The following CAMK2B variants were observed in gnomAD, a reference collection of about 807,000 sequenced individuals.
The protein encoded by CAMK2B is calcium/calmodulin dependent protein kinase II beta.
CAMK2B carries 27 observed loss-of-function variants against 93.7 expected under a neutral mutation model. That is an observed-to-expected ratio of 0.29 (90% CI 0.21 to 0.40). The LOEUF is 0.40. CAMK2B is among the 10% of genes least tolerant of loss of function. The pLI is 1.00. For synonymous variants in CAMK2B, 374 were observed against 358.8 expected (o/e 1.04, Z -0.48); for missense variants, 568 against 895.8 (o/e 0.63, Z 4.67).
chr7:44,256,477 A>C (rs1297926592), intron 4 of CAMK2B, among the ~76,000 whole-genome samples: 6 of 152,192 alleles, frequency 3.9e-5, no homozygotes, highest in Non-Finnish European at 4.4e-5. Context: ...GCCCTTGTGC[A>C]CTTGTAGAGC....
chr7:44,247,900 C>T (rs1461576702), intron 5 of CAMK2B, among the ~76,000 whole-genome samples: 4 of 152,014 alleles, frequency 2.6e-5, no homozygotes, highest in South Asian at 2.1e-4. Context: ...TGGTGGTGGG[C>T]GGCTGTAATC....
chr7:44,242,679 G>A (rs747105542), intron 8 of CAMK2B, 25 bp from the exon 9 acceptor site: 76 of 1,499,664 alleles, frequency 5.1e-5, no homozygotes, highest in Non-Finnish European at 6.2e-5. Flanking sequence ...TGTGAGCACC[G>A]CAGCCACTTG....
intron 19 of CAMK2B, 95 bp downstream of exon 19, chr7:44,228,701 T>G: frequency 1.7e-6 from 2 of 1,207,780 alleles, no homozygotes; most frequent in South Asian, 1.9e-5. Context: ...GCAGGGTAGC[T>G]GGGCCGTGCA....
rs1323129504 is a variant in CAMK2B at position 44,311,641 on chromosome 7, G to A, written c.65+13716C>T. On this transcript the variant is annotated intron_variant, in intron 1 of 23. Transcript: ENST00000395749. The surrounding 1 kb of genome is among the most constrained non-coding windows in gnomAD (Gnocchi z 4.2). ...CCCGGGTACCCAGAGGGGCTGTCCT[G>A]CCCCTGCGAGCACCACAGCCTGGCT... Among the ~76,000 whole-genome samples, 2 of 152,092 alleles carry A rather than the reference G, an allele frequency of 1.3e-5. No homozygotes were observed. The highest frequency in any genetic ancestry group is 4.8e-5 in the African/African-American group (2 of 41,418).
chr7:44,229,062 C>T (rs1478180773), intron 18 of CAMK2B, 138 bp from the exon 19 acceptor site: 1 of 838,614 alleles, frequency 1.2e-6, no homozygotes, highest in Non-Finnish European at 2.0e-6. Context: ...CAGAGCCTGC[C>T]TCAATAGCAG....
intron 20 of CAMK2B, among the ~76,000 whole-genome samples, chr7:44,223,041 G>A (rs1251352439): frequency 6.6e-6 from 1 of 152,230 alleles, no homozygotes; most frequent in East Asian, 1.9e-4. Context: ...ATGCATGTGT[G>A]TACACGTGAT....
At chr7:44,324,883 C>G (rs1047674810) in intron 1 of CAMK2B, 3 of 152,158 alleles carry the variant, frequency 2.0e-5, no homozygotes, top group Admixed American at 2.0e-4. Context: ...CAGGCGCAAG[C>G]AGGTCCCGCC....
In CAMK2B at chr7:44,242,309, G is replaced by C; in HGVS notation, c.728C>G (p.Pro243Arg). 1 of 1,614,082 alleles carries C rather than the reference G, an allele frequency of 6.2e-7. No individual in the cohort carries two copies. Among genetic ancestry groups the C allele is most frequent in the Non-Finnish European group, 8.5e-7 (1 of 1,179,930 alleles). ...CTGGTTGATGAGGTTTTTGGCTTCA[G>C]GAGTGACGGTGTCCCACTCAGGGGA... is the stretch of plus-strand genomic sequence containing the variant. ...FPSPEWDTVT[P>R]EAKNLINQML... Residue 243 changes from proline to arginine, a missense_variant, in exon 10 of 24, where the codon CCT becomes CGT. Pro to Arg is a moderately radical substitution (Grantham distance 103). This residue lies in a region of CAMK2B where 105 missense variants were observed against 372.4 expected (regional missense o/e 0.28). Transcript: ENST00000395749.
intron 5 of CAMK2B, among the ~76,000 whole-genome samples, chr7:44,251,767 C>T (rs1490351132): frequency 2.0e-5 from 3 of 152,212 alleles, no homozygotes; most frequent in Non-Finnish European, 2.9e-5. Flanking sequence ...CCCTCCGCAT[C>T]GGGAGTCCTG....
intron 13 of CAMK2B, among the ~76,000 whole-genome samples, chr7:44,239,149 G>A (rs1433770108): frequency 2.6e-5 from 4 of 152,176 alleles, no homozygotes; most frequent in South Asian, 2.1e-4. Context: ...ACAGACCACC[G>A]TCTCCATGCG....
chr7:44,245,538 T>C (rs1562885230), intron 6 of CAMK2B, among the ~76,000 whole-genome samples: 1 of 152,124 alleles, frequency 6.6e-6, no homozygotes, highest in Non-Finnish European at 1.5e-5. Flanking sequence ...GGTAACACAA[T>C]GTCTGTGGCC....
Position 44,219,047 on chromosome 7 carries a change from C to T in CAMK2B, c.*478G>A, listed in dbSNP as rs2096365172. 6.6e-6 allele frequency: 1 copy of T among 152,418 alleles called. No homozygotes were observed. The highest frequency in any genetic ancestry group is 1.5e-5 in the Non-Finnish European group (1 of 68,150). The allele number at this position is 152,418 out of a possible 1,614,324, so 9.4% of individuals were successfully genotyped here. Reference sequence around the variant, plus strand: ...TGACAGTCACGACAGCCAGCGAGCACACCACGTGGAGCCCATGCGTTGGCA... The same window carrying T: ...TGACAGTCACGACAGCCAGCGAGCATACCACGTGGAGCCCATGCGTTGGCA... On this transcript the variant is annotated 3_prime_UTR_variant, in exon 24 of 24. Transcript: ENST00000395749.
In CAMK2B at chr7:44,220,802, C is replaced by G. The variant is rs374455632; in HGVS notation, c.1673+24G>C. On this transcript the variant is annotated intron_variant, in intron 21 of 23. Transcript: ENST00000395749. ...GTCCCACATCCTTGTCCTGCACAGCCCCCCCCCAGCCCCAGGGACTCACGC... is the reference window on the plus strand; with the variant it reads ...GTCCCACATCCTTGTCCTGCACAGCGCCCCCCCAGCCCCAGGGACTCACGC... 349 of 1,557,574 alleles carry G rather than the reference C, an allele frequency of 2.2e-4. 2 individuals carry two copies. The South Asian group carries it at 3.1e-3, about 14-fold the overall frequency.
rs1340969687 is a variant in CAMK2B, at chr7:44,219,287, T to TTG, written c.*237_*238insCA. The TTG allele has an allele frequency of 1.4e-4, 21 of 150,814 alleles. No individual in the cohort carries two copies. In the East Asian group the frequency reaches 3.7e-3, roughly 26 times the overall value. The allele number at this position is 150,814 out of a possible 1,614,324, so 9.3% of individuals were successfully genotyped here. ...TTCCTTCCTTTAGTTTTTTTTGTTTTTTTTTTTTTTCATTTCATCTGATGT... is the reference window on the plus strand; with the variant it reads ...TTCCTTCCTTTAGTTTTTTTTGTTTTTGTTTTTTTTTTCATTTCATCTGATGT... On this transcript the variant is annotated 3_prime_UTR_variant, in exon 24 of 24. Transcript: ENST00000395749.
At chr7:44,304,775 G>T (rs1791008458) in intron 1 of CAMK2B, among the ~76,000 whole-genome samples, 1 of 152,150 alleles carries the variant, frequency 6.6e-6, no homozygotes, top group African/African-American at 2.4e-5. Flanking sequence ...ATTAATATTG[G>T]TCCATCATTG....
intron 1 of CAMK2B, among the ~76,000 whole-genome samples, chr7:44,320,659 A>T (rs1795849641): frequency 6.6e-6 from 1 of 152,270 alleles, no homozygotes; most frequent in African/African-American, 2.4e-5. Flanking sequence ...AAATACCATT[A>T]AATAGTAACT....
intron 2 of CAMK2B, among the ~76,000 whole-genome samples, chr7:44,265,588 C>T (rs1177708061): frequency 1.3e-5 from 2 of 152,218 alleles, no homozygotes; most frequent in Non-Finnish European, 2.9e-5. Context: ...CAATTATGAA[C>T]GCATTCTCCT....
In CAMK2B at chr7:44,220,614, A is replaced by C; in HGVS notation, c.1768+2T>G. 1 of 1,612,204 alleles carries C rather than the reference A, an allele frequency of 6.2e-7. No homozygotes were observed. On this transcript the variant is annotated splice_donor_variant, in intron 22 of 23. Transcript: ENST00000395749. LOFTEE classifies it high-confidence loss of function. Reference sequence around the variant, plus strand: ...CATGCCCACCCGGGCTTCCTCACTCACGGTTCTCGAAGTAGAATCTGTGGA... The same window carrying C: ...CATGCCCACCCGGGCTTCCTCACTCCCGGTTCTCGAAGTAGAATCTGTGGA...
chr7:44,220,119 G>A lies in CAMK2B; in HGVS notation c.1944C>T (p.Gly648=). The A allele has an allele frequency of 6.2e-7, 1 of 1,611,200 alleles. No homozygotes were observed. Among genetic ancestry groups the A allele is most frequent in the Non-Finnish European group, 8.5e-7 (1 of 1,179,632 alleles). ...EETRVWHRRD[G]KWQNVHFHCS... ...AGTGGAAGTGCACGTTCTGCCACTTGCCGTCGCGGCGGTGCCACACGCGGG... is the reference window on the plus strand; with the variant it reads ...AGTGGAAGTGCACGTTCTGCCACTTACCGTCGCGGCGGTGCCACACGCGGG... Residue 648 remains glycine (G), a synonymous_variant, in exon 23 of 24, where the codon GGC becomes GGT. Coordinates refer to ENST00000395749, the MANE Select transcript of CAMK2B (RefSeq NM_001220.5).
Sources: allele counts gnomAD v4.1 joint callset (sites outside exome capture counted in the v4.1 genomes callset), GRCh38; gene constraint gnomAD v4.1.1; regional missense constraint gnomAD v4.1.1; non-coding constraint Gnocchi (gnomAD v3.1); transcripts MANE v1.5; gene names NCBI Gene and HGNC (gene_info 2026-07-23, HGNC 2026-07-21).